Variants in BBS9 observed in about 807,000 individuals in gnomAD.
BBS9 encodes the protein Bardet-Biedl syndrome 9, also known as protein PTHB1.
A neutral mutation model predicts 117.7 loss-of-function variants in BBS9; 89 were observed. That is an observed-to-expected ratio of 0.76 (90% CI 0.64 to 0.90). The LOEUF (loss-of-function observed/expected upper bound fraction) is 0.90, where lower values mean the gene tolerates loss of function less well. BBS9 is among the 40% of genes least tolerant of loss of function. The probability of loss-of-function intolerance (pLI) is 0.00; values close to 1 mark genes in which losing one functional copy is unlikely to be tolerated. For synonymous variants in BBS9, 379 were observed against 370.9 expected (o/e 1.02, Z -0.25); for missense variants, 982 against 1,042.2 (o/e 0.94, Z 0.80).
chr7:33,529,790 A>G (rs1244908925), intron 20 of BBS9, among the ~76,000 whole-genome samples: 5 of 152,212 alleles, frequency 3.3e-5, no homozygotes, highest in Non-Finnish European at 5.9e-5. Context: ...TTTTAGTGCT[A>G]TATTTCCCAA....
chr7:33,151,803 G>A (rs1197207729), intron 2 of BBS9, among the ~76,000 whole-genome samples: 1 of 150,518 alleles, frequency 6.6e-6, no homozygotes, highest in African/African-American at 2.4e-5. Context: ...TGCCTGCCTC[G>A]GCTTCCCAAG....
At chr7:33,236,576 AT>A (rs1411837368) in intron 5 of BBS9, among the ~76,000 whole-genome samples, 1 of 151,992 alleles carries the variant, frequency 6.6e-6, no homozygotes, top group Non-Finnish European at 1.5e-5. Context: ...CATTTAAAAA[AT>A]ACATAATTTA....
intron 5 of BBS9, among the ~76,000 whole-genome samples, chr7:33,206,627 G>C (rs913803204): frequency 4.6e-5 from 7 of 152,068 alleles, no homozygotes; most frequent in African/African-American, 1.4e-4. Flanking sequence ...GTGAAAGAAA[G>C]TATGTATTTC....
At chr7:33,339,051 G>T (rs573120547) in intron 10 of BBS9, among the ~76,000 whole-genome samples, 6 of 152,276 alleles carry the variant, frequency 3.9e-5, no homozygotes, top group Admixed American at 3.9e-4. Context: ...GTTCATTTAG[G>T]ATTCTGTCTG....
chr7:33,537,652 G>A (rs1268806550), intron 21 of BBS9, among the ~76,000 whole-genome samples: 1 of 152,184 alleles, frequency 6.6e-6, no homozygotes. Context: ...GAGTGTAAGT[G>A]ATTTAGTGGT....
intron 19 of BBS9, among the ~76,000 whole-genome samples, chr7:33,401,008 T>C (rs1198337417): frequency 6.6e-6 from 1 of 152,238 alleles, no homozygotes; most frequent in Non-Finnish European, 1.5e-5. Context: ...TTTACCATGC[T>C]CCCAGATGGG....
chr7:33,245,229 T>C (rs1162073670), intron 5 of BBS9, among the ~76,000 whole-genome samples: 1 of 71,190 alleles, frequency 1.4e-5, no homozygotes, highest in Non-Finnish European at 2.6e-5. Flanking sequence ...CAGCCATGCT[T>C]CCTTTATTTC....
intron 5 of BBS9, among the ~76,000 whole-genome samples, chr7:33,234,692 C>A (rs1793141622): frequency 6.8e-6 from 1 of 147,452 alleles, no homozygotes; most frequent in South Asian, 2.3e-4. Flanking sequence ...TCCATCCCTC[C>A]ATCTATCCAC....
intron 11 of BBS9, among the ~76,000 whole-genome samples, chr7:33,343,748 T>C (rs6462472): frequency 0.99 from 151,074 of 152,162 alleles, 75,011 homozygotes; most frequent in Non-Finnish European, 1. Context: ...ATCCACCTGC[T>C]TCGGCCTCCC....
intron 5 of BBS9, among the ~76,000 whole-genome samples, chr7:33,180,095 C>T (rs1429819191): frequency 9.9e-5 from 15 of 152,098 alleles, no homozygotes; most frequent in Non-Finnish European, 2.9e-5. Flanking sequence ...CCTAAGTCAC[C>T]TTTAGTTACC....
chr7:33,529,778 A>AT (rs1322018701), intron 20 of BBS9, among the ~76,000 whole-genome samples: 7 of 152,184 alleles, frequency 4.6e-5, no homozygotes, highest in Non-Finnish European at 1.0e-4. Flanking sequence ...CCTTCCAGAA[A>AT]TTTTTAGTGC....
chr7:33,162,934 T>G (rs1406638744), intron 4 of BBS9, among the ~76,000 whole-genome samples: 1 of 152,206 alleles, frequency 6.6e-6, no homozygotes, highest in Non-Finnish European at 1.5e-5. Flanking sequence ...GCTTCCAGTT[T>G]TTGCCCATTC....
intron 5 of BBS9, among the ~76,000 whole-genome samples, chr7:33,219,926 C>G (rs148673350): frequency 1.3e-5 from 2 of 152,084 alleles, no homozygotes; most frequent in South Asian, 2.1e-4. Flanking sequence ...TAACACTCAC[C>G]GCGAAGTTCT....
chr7:33,591,950 A>G (rs910532683), intron 21 of BBS9, among the ~76,000 whole-genome samples: 15 of 152,092 alleles, frequency 9.9e-5, no homozygotes, highest in Non-Finnish European at 7.4e-5. Flanking sequence ...TATCTATGAT[A>G]GTAGACTATC....
rs571178138 is a variant in BBS9, at chr7:33,340,783, TGAGTATGTTTATGG to T, written c.1199-112_1199-99del. 28 of 789,238 alleles carry T rather than the reference TGAGTATGTTTATGG, an allele frequency of 3.5e-5. 1 individual carries two copies. The South Asian group carries it at 4.6e-4, about 13-fold the overall frequency. 48.9% of individuals were successfully genotyped at this position (789,238 alleles called of 1,614,324 possible). A position where few individuals can be genotyped will look rare whatever the true frequency, so the allele number is the denominator to read the frequency against. ...GTAATGCATTAGTTTTTTCAACTTG[TGAGTATGTTTATGG>T]GGTTTTTTTTATATGTGGTATAGAC... On this transcript the variant is annotated intron_variant, in intron 10 of 22. Transcript: ENST00000242067.
chr7:33,575,070 T>C (rs1455860721), intron 21 of BBS9, among the ~76,000 whole-genome samples: 1 of 152,020 alleles, frequency 6.6e-6, no homozygotes, highest in Non-Finnish European at 1.5e-5. Flanking sequence ...ATAGGATGAT[T>C]TACCACTCTA....
intron 21 of BBS9, among the ~76,000 whole-genome samples, chr7:33,592,911 A>AT (rs1418468376): frequency 6.6e-6 from 1 of 151,974 alleles, no homozygotes; most frequent in South Asian, 2.1e-4. Flanking sequence ...ATTTCATTTC[A>AT]TTTTTTTGAG....
At position 33,367,826 on chromosome 7, in the gene BBS9, G is replaced by A. The variant is rs1584516205; in HGVS notation, c.1753G>A (p.Gly585Ser). Residue 585 changes from glycine (G) to serine (S), a missense_variant, in exon 17 of 23, where the codon GGT (glycine) becomes AGT (serine). Gly to Ser is a moderately conservative substitution (Grantham distance 56). Coordinates refer to ENST00000242067, the MANE Select transcript of BBS9 (RefSeq NM_198428.3). ...VNVMGFHFLG[G>S]ARITVLASKT... ...TGTAATGGGTTTTCACTTCTTAGGA[G>A]GTGCTCGAATTACTGTTCTTGCTTC... 6.2e-7 allele frequency: 1 copy of A among 1,613,820 alleles called. No individual in the cohort carries two copies. The highest frequency in any genetic ancestry group is 8.5e-7 in the Non-Finnish European group (1 of 1,179,828).
intron 7 of BBS9, among the ~76,000 whole-genome samples, chr7:33,270,988 G>C (rs187148800): frequency 7.2e-5 from 11 of 152,190 alleles, no homozygotes; most frequent in Non-Finnish European, 1.6e-4. Context: ...TCCAAAGGGA[G>C]CTCCATCAGG....
Sources: allele counts gnomAD v4.1 joint callset (sites outside exome capture counted in the v4.1 genomes callset), GRCh38; gene constraint gnomAD v4.1.1; transcripts MANE v1.5; gene names NCBI Gene and HGNC (gene_info 2026-07-23, HGNC 2026-07-21).